Variants in FIP1L1 observed in about 807,000 individuals in gnomAD.
The protein encoded by FIP1L1 is factor interacting with PAPOLA and CPSF1.
Under a neutral mutation model 84.6 loss-of-function variants are expected in FIP1L1, and 21 were observed. That is an observed-to-expected ratio of 0.25 (90% CI 0.18 to 0.36). The LOEUF (loss-of-function observed/expected upper bound fraction) is 0.36. Among genes scored for constraint, FIP1L1 ranks in the 10% least tolerant of loss-of-function variants. The pLI is 1.00. For synonymous variants in FIP1L1, 263 were observed against 242.3 expected, an observed-to-expected ratio of 1.09 and a Z score of -0.80; for missense variants, 526 against 751.1, an observed-to-expected ratio of 0.70 and a Z score of 3.50.
At chr4:53,423,417 G>A (rs1178952675) in intron 11 of FIP1L1, among the ~76,000 whole-genome samples, 1 of 152,082 alleles carries the variant, frequency 6.6e-6, no homozygotes, top group Non-Finnish European at 1.5e-5. Flanking sequence ...TTCCTCATAG[G>A]GAAACTCTAT....
intron 3 of FIP1L1, among the ~76,000 whole-genome samples, chr4:53,381,945 A>G (rs1273120759): frequency 1.4e-5 from 2 of 144,248 alleles, no homozygotes; most frequent in Admixed American, 6.9e-5. Context: ...TTTTTTTTGT[A>G]TTTTTAGTAG....
chr4:53,391,157 C>G lies in FIP1L1; in HGVS notation c.636+18C>G, dbSNP rs545167400. 1 of 1,590,396 alleles carries G rather than the reference C, an allele frequency of 6.3e-7. No homozygotes were observed. Among genetic ancestry groups the G allele is most frequent in the Non-Finnish European group, 8.5e-7 (1 of 1,172,558 alleles). Reference sequence around the variant, plus strand: ...AAATTACGGTAATTAATAAATACTCCGGAATACCCTTGGCTTGTCTACCGT... The same window carrying G: ...AAATTACGGTAATTAATAAATACTCGGGAATACCCTTGGCTTGTCTACCGT... On this transcript the variant is annotated intron_variant, in intron 8 of 17. Transcript: ENST00000337488.
chr4:53,406,731 G>A (rs1340164750), intron 10 of FIP1L1, among the ~76,000 whole-genome samples: 2 of 152,184 alleles, frequency 1.3e-5, no homozygotes, highest in Admixed American at 6.5e-5. Flanking sequence ...TCCTGGTTTA[G>A]TCTTGGGAGG....
At chr4:53,383,716 A>G in intron 4 of FIP1L1, 57 bp from the exon 5 acceptor site, 4 of 1,475,348 alleles carry the variant, frequency 2.7e-6, no homozygotes, top group Non-Finnish European at 3.7e-6. Context: ...AGTTATTAGT[A>G]TTAGATGTTG....
intron 13 of FIP1L1, among the ~76,000 whole-genome samples, chr4:53,439,142 C>T (rs1429474339): frequency 1.3e-5 from 2 of 152,118 alleles, no homozygotes; most frequent in African/African-American, 2.4e-5. Context: ...TAATGATCTG[C>T]CTTCCTTACT....
In FIP1L1 at chr4:53,460,121, C is replaced by T. The variant is rs1464777392; in HGVS notation, c.*672C>T. 2 of 198,842 alleles carry T rather than the reference C, an allele frequency of 1.0e-5. No homozygotes were observed. Among genetic ancestry groups the T allele is most frequent in the African/African-American group, 4.6e-5 (2 of 43,424 alleles). 12.3% of individuals were successfully genotyped at this position (198,842 alleles called of 1,614,324 possible). The stretch of plus-strand genomic sequence containing the variant: ...TGTACACACACTCTTCATTGTGGCA[C>T]AAATTTAAATCGCCTCATGACCATG... On this transcript the variant is annotated 3_prime_UTR_variant, in exon 18 of 18. Coordinates refer to ENST00000337488, the MANE Select transcript of FIP1L1 (RefSeq NM_030917.4).
rs146825142 is a variant in FIP1L1, at chr4:53,436,530, T to C, written c.1175-6123T>C. 3.0e-3 allele frequency among the ~76,000 whole-genome samples: 453 copies of C among 152,288 alleles called. 7 individuals are homozygous for C. In the South Asian group the frequency reaches 0.049, roughly 17 times the overall value. The stretch of plus-strand genomic sequence containing the variant: ...GTCTTTTGTAACCTAGTCATGGAAG[T>C]AACATCCTTTGATTTTTTTTGTGTG... On this transcript the variant is annotated intron_variant, in intron 13 of 17. Transcript: ENST00000337488.
At chr4:53,379,302 T>G in intron 3 of FIP1L1, 38 bp downstream of exon 3, 1 of 1,528,544 alleles carries the variant, frequency 6.5e-7, no homozygotes, top group Non-Finnish European at 8.8e-7. Flanking sequence ...TTACACAGGT[T>G]GTGTGAAACA....
At chr4:53,413,687 G>A (rs549583591) in intron 10 of FIP1L1, among the ~76,000 whole-genome samples, 2 of 152,126 alleles carry the variant, frequency 1.3e-5, no homozygotes, top group Admixed American at 6.5e-5. Flanking sequence ...TTCAGATATT[G>A]GGTTCAGAAG....
chr4:53,428,775 A>T (rs1490841385), intron 13 of FIP1L1, among the ~76,000 whole-genome samples: 1 of 152,190 alleles, frequency 6.6e-6, no homozygotes, highest in Non-Finnish European at 1.5e-5. Flanking sequence ...TTTTTATTTG[A>T]ATTTTTCATC....
In FIP1L1 at chr4:53,440,763, G is replaced by A. The variant is rs752665286; in HGVS notation, c.1175-1890G>A. 3 of 623,864 alleles carry A rather than the reference G, an allele frequency of 4.8e-6. No homozygotes were observed. In the Admixed American group the frequency reaches 8.6e-5, roughly 18 times the overall value. The allele number at this position is 623,864 out of a possible 1,614,324, so 38.6% of individuals were successfully genotyped here. On this transcript the variant is annotated intron_variant, in intron 13 of 17. Coordinates refer to ENST00000337488, the MANE Select transcript of FIP1L1 (RefSeq NM_030917.4). Reference sequence around the variant, plus strand: ...TCAGCTCTGCCTTTGCTTCATTCCAGTTTTGATTAAGATATTTAGTTTTCT... The same window carrying A: ...TCAGCTCTGCCTTTGCTTCATTCCAATTTTGATTAAGATATTTAGTTTTCT...
At chr4:53,448,698 A>G (rs1579123273) in intron 15 of FIP1L1, among the ~76,000 whole-genome samples, 1 of 152,144 alleles carries the variant, frequency 6.6e-6, no homozygotes, top group Non-Finnish European at 1.5e-5. Context: ...TTTATTTACT[A>G]TACCATATTG....
At chr4:53,451,289 G>A (rs760702905) in intron 15 of FIP1L1, among the ~76,000 whole-genome samples, 7 of 150,720 alleles carry the variant, frequency 4.6e-5, no homozygotes, top group Non-Finnish European at 4.4e-5. Context: ...ACTCATTTTC[G>A]ATCGGGGGTT....
chr4:53,381,273 A>C (rs562913637), intron 3 of FIP1L1, among the ~76,000 whole-genome samples: 1 of 152,302 alleles, frequency 6.6e-6, no homozygotes, highest in African/African-American at 2.4e-5. Context: ...ACATCATTGC[A>C]TTGCTCTACC....
Position 53,456,327 on chromosome 4 carries a change from T to C in FIP1L1, c.1500-2326T>C, listed in dbSNP as rs560456989. 9.8e-5 allele frequency among the ~76,000 whole-genome samples: 15 copies of C among 152,302 alleles called. No homozygotes were observed. In the South Asian group the frequency reaches 3.1e-3, roughly 32 times the overall value. Reference sequence around the variant, plus strand: ...ATGCACAGATATTACTGAGTTTTTATTGAAACTTAAAAAGTGTTAATGTTT... The same window carrying C: ...ATGCACAGATATTACTGAGTTTTTACTGAAACTTAAAAAGTGTTAATGTTT... On this transcript the variant is annotated intron_variant, in intron 16 of 17. Coordinates refer to ENST00000337488, the MANE Select transcript of FIP1L1 (RefSeq NM_030917.4).
chr4:53,441,739 T>C (rs924203202), intron 13 of FIP1L1, among the ~76,000 whole-genome samples: 6 of 151,934 alleles, frequency 3.9e-5, no homozygotes, highest in African/African-American at 1.2e-4. Context: ...TTCACATAAC[T>C]AGAAGGTGAT....
At position 53,377,791 on chromosome 4, in the gene FIP1L1, T is replaced by C; in HGVS notation, c.-48T>C. 6.7e-7 allele frequency: 1 copy of C among 1,485,490 alleles called. No individual in the cohort carries two copies. The highest frequency in any genetic ancestry group is 9.0e-7 in the Non-Finnish European group (1 of 1,107,160). The allele number at this position is 1,485,490 out of a possible 1,614,324, so 92.0% of individuals were successfully genotyped here. A position where few individuals can be genotyped will look rare whatever the true frequency, so the allele number is the denominator to read the frequency against. On this transcript the variant is annotated 5_prime_UTR_variant, in exon 1 of 18. Transcript: ENST00000337488. The stretch of plus-strand genomic sequence containing the variant: ...CGGGGCTGCGAGGCTGGGGAAGGGG[T>C]TGGAGGGGGCTGTTGATCGCCGCGT...
At chr4:53,379,415 C>G in intron 3 of FIP1L1, 151 bp downstream of exon 3, 1 of 742,472 alleles carries the variant, frequency 1.3e-6, no homozygotes, top group South Asian at 2.0e-5. Flanking sequence ...AAGGATTATT[C>G]CAGTTTCAGG....
Position 53,460,555 on chromosome 4 carries a change from G to A in FIP1L1, c.*1106G>A, listed in dbSNP as rs1051178044. ...GCTGTAAATTAAAAATGGCCATAAT[G>A]TACCCTTGGCAGACTTCAGCATATA... is the stretch of plus-strand genomic sequence containing the variant. On this transcript the variant is annotated 3_prime_UTR_variant, in exon 18 of 18. Transcript: ENST00000337488. 1.4e-5 allele frequency: 3 copies of A among 220,550 alleles called. No homozygotes were observed. The highest frequency in any genetic ancestry group is 4.5e-5 in the African/African-American group (2 of 44,308). 13.7% of individuals were successfully genotyped at this position (220,550 alleles called of 1,614,324 possible).
Sources: gnomAD v4.1 joint callset for allele counts (sites outside exome capture counted in the v4.1 genomes callset) on GRCh38, gnomAD v4.1.1 for gene constraint, MANE v1.5 for transcripts, NCBI Gene and HGNC (gene_info 2026-07-23, HGNC 2026-07-21) for gene names.